The following PITPNM2 variants were observed in gnomAD, a reference collection of about 807,000 sequenced individuals.
PITPNM2 encodes the protein phosphatidylinositol transfer protein membrane associated 2.
In PITPNM2, 35 loss-of-function variants were observed where a neutral mutation model predicts 132.2. That is an observed-to-expected ratio of 0.26 (90% CI 0.20 to 0.35). The LOEUF (loss-of-function observed/expected upper bound fraction) is 0.35, where lower values mean the gene tolerates loss of function less well. Ranked by LOEUF, PITPNM2 falls within the 10% of genes least tolerant of loss-of-function variation. The pLI, the probability that PITPNM2 is intolerant of heterozygous loss-of-function variation, is 1.00. For missense variants in PITPNM2, 1,332 were observed against 1,912.0 expected (o/e 0.70, Z 5.66); for synonymous variants, 738 against 799.2 (o/e 0.92, Z 1.29).
chr12:123,063,001 A>G (rs115073040), intron 2 of PITPNM2, among the ~76,000 whole-genome samples: 86 of 152,338 alleles, frequency 5.6e-4, no homozygotes, highest in African/African-American at 2.0e-3. Context: ...GCAAATGTGC[A>G]CACACACACA....
intron 1 of PITPNM2, among the ~76,000 whole-genome samples, chr12:123,144,879 C>T (rs1360997864): frequency 6.6e-6 from 1 of 152,172 alleles, no homozygotes; most frequent in Non-Finnish European, 1.5e-5. Flanking sequence ...TTAACAGAAA[C>T]ATATATAAAA....
At chr12:123,035,146 G>A (rs147494657) in intron 2 of PITPNM2, among the ~76,000 whole-genome samples, 26 of 152,322 alleles carry the variant, frequency 1.7e-4, no homozygotes, top group Non-Finnish European at 2.6e-4. Flanking sequence ...ATGCCATTAG[G>A]GGCAGATGAC....
At chr12:123,147,584 ACAGTTCAGGAAAG>A (rs1390185120) in intron 1 of PITPNM2, among the ~76,000 whole-genome samples, 3 of 152,216 alleles carry the variant, frequency 2.0e-5, no homozygotes, top group African/African-American at 7.2e-5. Context: ...AGAAAAAGAG[ACAGTTCAGGAAAG>A]CAGCAATAAA....
At chr12:123,151,181 G>A (rs1389661941), upstream of PITPNM2, among the ~76,000 whole-genome samples, 13 of 147,202 alleles carry the variant, frequency 8.8e-5, no homozygotes, top group South Asian at 2.7e-3. Flanking sequence ...GGCGGCGGGG[G>A]CGCGTCCCTG....
At chr12:123,038,352 T>C (rs1335185143) in intron 2 of PITPNM2, among the ~76,000 whole-genome samples, 1 of 152,198 alleles carries the variant, frequency 6.6e-6, no homozygotes, top group Non-Finnish European at 1.5e-5. Context: ...AGGTGACAGT[T>C]TGGAGCTCAC....
In PITPNM2 at chr12:123,095,269, C is replaced by T. The variant is rs1423858943; in HGVS notation, c.-96+15116G>A. Among the ~76,000 whole-genome samples, 4 of 152,164 alleles carry T rather than the reference C, an allele frequency of 2.6e-5. No homozygotes were observed. The highest frequency in any genetic ancestry group is 5.9e-5 in the Non-Finnish European group (4 of 68,024). ...GCAGTAGCCAAGCTTGCTGGACAGT[C>T]GCCCCTGTGGTGACAGGGAGAGCTA... On this transcript the variant is annotated intron_variant, in intron 2 of 25. Transcript: ENST00000320201. This position sits in a 1 kb window ranked among gnomAD's most constrained non-coding sequence, Gnocchi z 5.0.
chr12:122,990,638 C>T lies in PITPNM2; in HGVS notation c.2476G>A (p.Ala826Thr). ...GAPSSPGTAP[A>T]SRGFRRASEI... ...CTGGCTCGGCGGAAGCCACGACTGG[C>T]AGGGGCAGTGCCCGGCGAGGAGGGG... Residue 826 changes from alanine (A) to threonine (T), a missense_variant, in exon 17 of 26, where the codon GCC becomes ACC. By Grantham distance (58) the Ala-to-Thr change is moderately conservative (BLOSUM62 0). Coordinates refer to ENST00000320201, the MANE Select transcript of PITPNM2 (RefSeq NM_020845.3). The T allele has an allele frequency of 6.2e-7, 1 of 1,612,208 alleles. No homozygotes were observed. Among genetic ancestry groups the T allele is most frequent in the Non-Finnish European group, 8.5e-7 (1 of 1,179,956 alleles).
Position 123,117,240 on chromosome 12 carries a change from C to T in PITPNM2, c.-199-6752G>A, listed in dbSNP as rs1593024974. 2.0e-5 allele frequency among the ~76,000 whole-genome samples: 3 copies of T among 152,242 alleles called. No individual in the cohort carries two copies. Among genetic ancestry groups the T allele is most frequent in the East Asian group, 3.9e-4 (2 of 5,176 alleles). Reference sequence around the variant, plus strand: ...AATGGAGTGAATGCTGAAATGAAGCCGGTGCTGAGTTTCAAACAGCGGTCG... The same window carrying T: ...AATGGAGTGAATGCTGAAATGAAGCTGGTGCTGAGTTTCAAACAGCGGTCG... On this transcript the variant is annotated intron_variant, in intron 1 of 25. Coordinates refer to ENST00000320201, the MANE Select transcript of PITPNM2 (RefSeq NM_020845.3). The surrounding 1 kb of genome is among the most constrained non-coding windows in gnomAD (Gnocchi z 4.7).
In PITPNM2 at chr12:123,109,104, C is replaced by T. The variant is rs1207161599; in HGVS notation, c.-96+1281G>A. On this transcript the variant is annotated intron_variant, in intron 2 of 25. Coordinates refer to ENST00000320201, the MANE Select transcript of PITPNM2 (RefSeq NM_020845.3). ...TACTGTGGGACTTAGCCCCATGCAG[C>T]AGGGGCTGGGTACATTAAACCTACC... Among the ~76,000 whole-genome samples, 8 of 152,208 alleles carry T rather than the reference C, an allele frequency of 5.3e-5. No individual in the cohort carries two copies. In the East Asian group the frequency reaches 1.5e-3, roughly 29 times the overall value.
intron 2 of PITPNM2, among the ~76,000 whole-genome samples, chr12:123,047,565 A>C (rs1344069543): frequency 2.0e-5 from 3 of 152,144 alleles, no homozygotes. Context: ...TTGTCATCCC[A>C]ATGCCAACCC....
chr12:123,116,647 C>CAAA (rs5801499), intron 1 of PITPNM2, among the ~76,000 whole-genome samples: 2 of 107,896 alleles, frequency 1.9e-5, no homozygotes, highest in African/African-American at 6.9e-5. Flanking sequence ...GACCTTGTTT[C>CAAA]AAAAAAAAAA....
chr12:123,087,311 G>A, intron 2 of PITPNM2: 1 of 152,016 alleles, frequency 6.6e-6, no homozygotes. Flanking sequence ...GAGTGCAGTG[G>A]CGCGATCTCG....
At chr12:123,016,968 C>T (rs977307382) in intron 3 of PITPNM2, among the ~76,000 whole-genome samples, 1 of 151,374 alleles carries the variant, frequency 6.6e-6, no homozygotes, top group African/African-American at 2.4e-5. Context: ...ATCGCTTGAA[C>T]CTGGGAGGCG....
intron 10 of PITPNM2, among the ~76,000 whole-genome samples, chr12:122,999,288 G>A (rs1001145250): frequency 6.6e-6 from 1 of 152,086 alleles, no homozygotes; most frequent in African/African-American, 2.4e-5. Flanking sequence ...GCCAGGGCAG[G>A]ACTGACACTT....
intron 1 of PITPNM2, among the ~76,000 whole-genome samples, chr12:123,131,429 C>A (rs144343586): frequency 2.0e-5 from 3 of 152,284 alleles, no homozygotes; most frequent in African/African-American, 7.2e-5. Context: ...ACCAAACTGC[C>A]GAAACCCAAA....
At chr12:123,071,424 G>T (rs563531816) in intron 2 of PITPNM2, among the ~76,000 whole-genome samples, 1 of 152,188 alleles carries the variant, frequency 6.6e-6, no homozygotes, top group African/African-American at 2.4e-5. Context: ...AGAGAGACCC[G>T]CAGGCTGGAT....
chr12:123,009,817 C>CA lies in PITPNM2; in HGVS notation c.643+32dup. On this transcript the variant is annotated intron_variant, in intron 6 of 25. Coordinates refer to ENST00000320201, the MANE Select transcript of PITPNM2 (RefSeq NM_020845.3). The surrounding 1 kb of genome is among the most constrained non-coding windows in gnomAD (Gnocchi z 4.8). ...CAGGAGACAGAGGGGTTGGGTAGCC[C>CA]AGCCACTGCCCACCTGGCATGGGTG... 6.3e-7 allele frequency: 1 copy of CA among 1,598,480 alleles called. No individual in the cohort carries two copies. Among genetic ancestry groups the CA allele is most frequent in the Non-Finnish European group, 8.6e-7 (1 of 1,166,158 alleles).
chr12:123,109,116 A>G (rs968281537), intron 2 of PITPNM2, among the ~76,000 whole-genome samples: 1 of 152,232 alleles, frequency 6.6e-6, no homozygotes, highest in African/African-American at 2.4e-5. Context: ...GGGGCTGGGT[A>G]CATTAAACCT....
chr12:123,118,201 A>G (rs1358562714), intron 1 of PITPNM2, among the ~76,000 whole-genome samples: 3 of 152,238 alleles, frequency 2.0e-5, no homozygotes, highest in Non-Finnish European at 4.4e-5. Context: ...GGAGATACAC[A>G]GGAGAATTAG....
Sources: allele counts gnomAD v4.1 joint callset (sites outside exome capture counted in the v4.1 genomes callset), GRCh38; gene constraint gnomAD v4.1.1; non-coding constraint Gnocchi (gnomAD v3.1); transcripts MANE v1.5; gene names NCBI Gene and HGNC (gene_info 2026-07-23, HGNC 2026-07-21).